TBC1D2: variants seen among roughly 807,000 people sequenced by gnomAD.
The protein encoded by TBC1D2 is TBC1 domain family member 2A.
TBC1D2 carries 58 observed loss-of-function variants against 91.1 expected under a neutral mutation model. That is an observed-to-expected ratio of 0.64 (90% CI 0.52 to 0.79). TBC1D2 has a LOEUF of 0.79. TBC1D2 is among the 30% of genes least tolerant of loss of function. The pLI is 0.00. For missense variants in TBC1D2, 1,080 were observed against 1,208.3 expected (o/e 0.89, Z 1.57); for synonymous variants, 482 against 511.5 (o/e 0.94, Z 0.78).
intron 2 of TBC1D2, among the ~76,000 whole-genome samples, chr9:98,249,680 G>A (rs1829832598): frequency 6.6e-6 from 1 of 152,062 alleles, no homozygotes; most frequent in South Asian, 2.1e-4. Context: ...AGAATAAAAG[G>A]AACAGTTATT....
At chr9:98,251,731 G>A in intron 2 of TBC1D2, 54 bp downstream of exon 2, 8 of 1,510,146 alleles carry the variant, frequency 5.3e-6, no homozygotes, top group Non-Finnish European at 6.2e-6. Context: ...GGAGGGTAAA[G>A]GCTTAATCAC....
In TBC1D2 at chr9:98,199,584, G is replaced by A; in HGVS notation, c.2584C>T (p.Leu862=). The A allele has an allele frequency of 1.9e-6, 3 of 1,614,004 alleles. No individual in the cohort carries two copies. The highest frequency in any genetic ancestry group is 2.5e-6 in the Non-Finnish European group (3 of 1,180,032). The part of the protein sequence containing the change: ...FTKTISNSRK[L]MNIAFNDMNP... ...ATGTCATTGAAGGCGATGTTCATCA[G>A]CTTCCTGGGAGGAGGGCACAATCAG... Residue 862 remains leucine (L), a synonymous_variant, in exon 13 of 13, where the codon CTG becomes TTG. Transcript: ENST00000465784.
chr9:98,251,956 C>A, intron 1 of TBC1D2, 30 bp from the exon 2 acceptor site: 1 of 1,580,930 alleles, frequency 6.3e-7, no homozygotes. Context: ...GTTGGCAAGG[C>A]CCTGTGCCTG....
chr9:98,199,302 G>C lies in TBC1D2; in HGVS notation c.*79C>G. 1 of 1,510,740 alleles carries C rather than the reference G, an allele frequency of 6.6e-7. No individual in the cohort carries two copies. The highest frequency in any genetic ancestry group is 9.1e-7 in the Non-Finnish European group (1 of 1,095,752). The allele number at this position is 1,510,740 out of a possible 1,614,324, so 93.6% of individuals were successfully genotyped here. A position where few individuals can be genotyped will look rare whatever the true frequency, so the allele number is the denominator to read the frequency against. On this transcript the variant is annotated 3_prime_UTR_variant, in exon 13 of 13. Transcript: ENST00000465784. Reference sequence around the variant, plus strand: ...CATGGTGATGGGACACCCAGGGCTGGGCCACTGGTCCGTGCCTGACCTCCA... The same window carrying C: ...CATGGTGATGGGACACCCAGGGCTGCGCCACTGGTCCGTGCCTGACCTCCA...
intron 5 of TBC1D2, among the ~76,000 whole-genome samples, chr9:98,224,271 T>A (rs1428115540): frequency 6.7e-6 from 1 of 148,888 alleles, no homozygotes; most frequent in Non-Finnish European, 1.5e-5. Context: ...AAGTGTTTTT[T>A]TTTCTTTTCT....
At chr9:98,254,204 C>T (rs1001910665) in intron 1 of TBC1D2, among the ~76,000 whole-genome samples, 2 of 152,218 alleles carry the variant, frequency 1.3e-5, no homozygotes, top group African/African-American at 4.8e-5. Context: ...AGGCTATCTC[C>T]TGGCACATTC....
At chr9:98,201,796 G>T in intron 10 of TBC1D2, 132 bp from the exon 11 acceptor site, 1 of 854,606 alleles carries the variant, frequency 1.2e-6, no homozygotes, top group Non-Finnish European at 1.7e-6. Flanking sequence ...TCCTGCCCAG[G>T]AGACACCTCG....
intron 10 of TBC1D2, 50 bp from the exon 11 acceptor site, chr9:98,201,714 C>A (rs1350222939): frequency 6.5e-7 from 1 of 1,548,832 alleles, no homozygotes; most frequent in East Asian, 2.3e-5. Flanking sequence ...CGTAGGGCTG[C>A]CTCCCTCCCT....
intron 9 of TBC1D2, among the ~76,000 whole-genome samples, chr9:98,208,305 C>A (rs1305375575): frequency 6.6e-6 from 1 of 152,122 alleles, no homozygotes; most frequent in African/African-American, 2.4e-5. Flanking sequence ...GGTCCCCAAC[C>A]TTTTTGGCAC....
At chr9:98,233,634 C>T in intron 3 of TBC1D2, 85 bp from the exon 4 acceptor site, 2 of 1,555,936 alleles carry the variant, frequency 1.3e-6, no homozygotes, top group Non-Finnish European at 8.7e-7. Flanking sequence ...TGCTGGAGCT[C>T]AGGTCTCATC....
At chr9:98,249,117 C>T (rs889521156) in intron 2 of TBC1D2, among the ~76,000 whole-genome samples, 1 of 152,130 alleles carries the variant, frequency 6.6e-6, no homozygotes, top group Non-Finnish European at 1.5e-5. Context: ...GCTGACTTGC[C>T]CAAGACACCA....
intron 1 of TBC1D2, 54 bp downstream of exon 1, chr9:98,255,119 G>A (rs1399437422): frequency 2.6e-6 from 4 of 1,555,222 alleles, no homozygotes; most frequent in African/African-American, 1.4e-5. Context: ...GCCTTGCCCT[G>A]CGAAAAGGGG....
chr9:98,220,853 C>T lies in TBC1D2; in HGVS notation c.1354G>A (p.Gly452Arg). ...AANRDFLSQQ[G>R]KIEHLKDDME... ...CCTACCTTCAGGTGCTCTATCTTCC[C>T]CTGCTGGCTCAGGAAGTCCCTGTTG... Residue 452 changes from glycine to arginine, a missense_variant, in exon 6 of 13, where the codon GGG becomes AGG. Gly to Arg is a moderately radical substitution (Grantham distance 125, BLOSUM62 -2). Coordinates refer to ENST00000465784, the MANE Select transcript of TBC1D2 (RefSeq NM_001267571.2). The T allele has an allele frequency of 6.2e-7, 1 of 1,614,138 alleles. No homozygotes were observed. Among genetic ancestry groups the T allele is most frequent in the East Asian group, 2.2e-5 (1 of 44,882 alleles).
intron 7 of TBC1D2, among the ~76,000 whole-genome samples, chr9:98,211,490 A>G (rs1390025600): frequency 6.6e-6 from 1 of 152,008 alleles, no homozygotes; most frequent in African/African-American, 2.4e-5. Flanking sequence ...GTTTACATTT[A>G]TACAAGCTGG....
Position 98,251,894 on chromosome 9 carries a change from C to CA in TBC1D2, c.401dup (p.Gln135AlafsTer22). 6.2e-7 allele frequency: 1 copy of CA among 1,601,814 alleles called. No individual in the cohort carries two copies. Among genetic ancestry groups the CA allele is most frequent in the South Asian group, 1.1e-5 (1 of 89,742 alleles). The stretch of plus-strand genomic sequence containing the variant: ...CCCAGCGCTTCATCTGCAGCTGCTG[C>CA]AGCCAGTACAGCATCGCTTGCTTGG... On this transcript the variant is annotated frameshift_variant, in exon 2 of 13. Transcript: ENST00000465784. LOFTEE classifies it high-confidence loss of function.
chr9:98,201,613 T>A lies in TBC1D2; in HGVS notation c.2323A>T (p.Met775Leu). 6.2e-7 allele frequency: 1 copy of A among 1,613,990 alleles called. No individual in the cohort carries two copies. Among genetic ancestry groups the A allele is most frequent in the Non-Finnish European group, 8.5e-7 (1 of 1,179,974 alleles). ...DLLSEKLPRL[M>L]AHLGQHHVDL... ...ACGTGGTGCTGCCCCAGATGGGCCATCAGCCTGGGCAGCTTCTCCGAGAGC... is the reference window on the plus strand; with the variant it reads ...ACGTGGTGCTGCCCCAGATGGGCCAACAGCCTGGGCAGCTTCTCCGAGAGC... The change falls in exon 11 of 13, where the codon ATG (methionine) becomes TTG (leucine). Residue 775 changes from methionine (M) to leucine (L), a missense_variant. Physicochemically the swap from Met to Leu is conservative, Grantham distance 15. Transcript: ENST00000465784.
chr9:98,213,329 AT>A (rs1272842636), intron 6 of TBC1D2, 111 bp from the exon 7 acceptor site: 1 of 1,524,688 alleles, frequency 6.6e-7, no homozygotes, highest in Non-Finnish European at 8.8e-7. Flanking sequence ...GAAATTTCCA[AT>A]AATGGCAACA....
intron 4 of TBC1D2, among the ~76,000 whole-genome samples, chr9:98,230,568 G>A (rs904024961): frequency 6.6e-6 from 1 of 152,174 alleles, no homozygotes. Context: ...GCCAAGGGCT[G>A]GCCAAACAGT....
intron 3 of TBC1D2, 25 bp from the exon 4 acceptor site, chr9:98,233,574 G>C: frequency 2.5e-6 from 4 of 1,612,326 alleles, no homozygotes; most frequent in Non-Finnish European, 3.4e-6. Flanking sequence ...GAACAGAGGA[G>C]CATGAGGCTG....
Sources: allele counts gnomAD v4.1 joint callset (sites outside exome capture counted in the v4.1 genomes callset), GRCh38; gene constraint gnomAD v4.1.1; transcripts MANE v1.5; gene names NCBI Gene and HGNC (gene_info 2026-07-23, HGNC 2026-07-21).